APLF: variants seen among roughly 807,000 people sequenced by gnomAD.
APLF encodes the protein aprataxin and PNK-like factor.
In APLF, 61 loss-of-function variants were observed where a neutral mutation model predicts 55.6. The observed-to-expected ratio is 1.10, with a 90% CI of 0.89 to 1.36. The LOEUF (loss-of-function observed/expected upper bound fraction) is 1.36. Ranked by LOEUF, APLF falls within the 40% of genes most tolerant of loss-of-function variation. APLF has a pLI of 0.00. For synonymous variants in APLF, 207 were observed against 214.8 expected (o/e 0.96, Z 0.32); for missense variants, 611 against 602.5 (o/e 1.01, Z -0.15).
chr2:68,506,539 T>C (rs1676876903), intron 3 of APLF, among the ~76,000 whole-genome samples: 2 of 152,060 alleles, frequency 1.3e-5, no homozygotes, highest in African/African-American at 4.8e-5. Flanking sequence ...TATGAACTTT[T>C]TATTCTCCAT....
chr2:68,552,570 T>C (rs1326419074), intron 8 of APLF, among the ~76,000 whole-genome samples: 1 of 151,928 alleles, frequency 6.6e-6, no homozygotes, highest in East Asian at 1.9e-4. Context: ...CCTATCAGGC[T>C]TTTTTTTCCT....
At chr2:68,526,271 G>GT (rs774190469) in intron 6 of APLF, 29 bp downstream of exon 6, 2 of 1,584,704 alleles carry the variant, frequency 1.3e-6, no homozygotes, top group Non-Finnish European at 1.7e-6. Flanking sequence ...TTATTTGATT[G>GT]TTTTTTTGTT....
At chr2:68,521,679 A>G (rs987139614) in intron 5 of APLF, among the ~76,000 whole-genome samples, 1 of 151,804 alleles carries the variant, frequency 6.6e-6, no homozygotes, top group Non-Finnish European at 1.5e-5. Flanking sequence ...GAGCTTTTAT[A>G]TTTCCACTGG....
intron 1 of APLF, among the ~76,000 whole-genome samples, chr2:68,478,150 A>G (rs565812646): frequency 6.6e-6 from 1 of 152,154 alleles, no homozygotes; most frequent in Non-Finnish European, 1.5e-5. Flanking sequence ...CAAAAAGCAG[A>G]GAAAAATAAT....
At chr2:68,555,559 A>G (rs1002595224) in intron 8 of APLF, among the ~76,000 whole-genome samples, 3 of 152,228 alleles carry the variant, frequency 2.0e-5, no homozygotes, top group African/African-American at 7.2e-5. Flanking sequence ...ATATGAAAAA[A>G]TGCTCAATAT....
At chr2:68,509,082 A>C (rs1413386903) in intron 3 of APLF, among the ~76,000 whole-genome samples, 2 of 152,158 alleles carry the variant, frequency 1.3e-5, no homozygotes, top group Admixed American at 6.6e-5. Context: ...GAGATGGATT[A>C]AAGACTTAAA....
chr2:68,504,348 C>CA (rs1330129062), intron 3 of APLF, among the ~76,000 whole-genome samples: 1 of 151,702 alleles, frequency 6.6e-6, no homozygotes, highest in African/African-American at 2.4e-5. Context: ...CAAGATTTTA[C>CA]AAAAAACCCT....
chr2:68,579,036 G>A lies in APLF; in HGVS notation c.*1014G>A, dbSNP rs867737653. 6.0e-5 allele frequency: 59 copies of A among 984,906 alleles called. No individual in the cohort carries two copies. In the Middle Eastern group the frequency reaches 4.7e-3, roughly 78 times the overall value. 61.0% of individuals were successfully genotyped at this position (984,906 alleles called of 1,614,324 possible). A position where few individuals can be genotyped will look rare whatever the true frequency, so the allele number is the denominator to read the frequency against. On this transcript the variant is annotated 3_prime_UTR_variant, in exon 10 of 10. Transcript: ENST00000303795. ...GTTTAGAATCTTTAATAACAGTTGGGTTGTGTACACAGAGCAGGAGATATT... is the reference window on the plus strand; with the variant it reads ...GTTTAGAATCTTTAATAACAGTTGGATTGTGTACACAGAGCAGGAGATATT...
intron 6 of APLF, among the ~76,000 whole-genome samples, chr2:68,530,206 T>C (rs1670213232): frequency 2.0e-5 from 3 of 152,276 alleles, no homozygotes; most frequent in Non-Finnish European, 4.4e-5. Flanking sequence ...CTCTGGCCTG[T>C]GTGCCTCATG....
At chr2:68,569,148 AT>A (rs1671386220) in intron 9 of APLF, among the ~76,000 whole-genome samples, 1 of 152,110 alleles carries the variant, frequency 6.6e-6, no homozygotes, top group African/African-American at 2.4e-5. Flanking sequence ...ACATTCACAT[AT>A]TCCTTTGTTG....
At chr2:68,513,023 G>T in intron 3 of APLF, 57 bp from the exon 4 acceptor site, 1 of 1,491,724 alleles carries the variant, frequency 6.7e-7, no homozygotes, top group South Asian at 1.3e-5. Context: ...GTAGTTCTAA[G>T]GCAGCAGAAG....
intron 2 of APLF, among the ~76,000 whole-genome samples, chr2:68,499,380 G>T (rs1462203628): frequency 1.3e-5 from 2 of 152,198 alleles, no homozygotes; most frequent in Admixed American, 6.5e-5. Context: ...CATTGAAGCA[G>T]TTGGGAGTCC....
rs1671609917 is a variant in APLF, at chr2:68,575,997, A to G, written c.1334-1823A>G. On this transcript the variant is annotated intron_variant, in intron 9 of 9. Coordinates refer to ENST00000303795, the MANE Select transcript of APLF (RefSeq NM_173545.3). ...CCAGCTCTAAAATTTAGAGATTAGG[A>G]TGATGAGGAAAATCCAGCAAAGAAA... 2.0e-5 allele frequency among the ~76,000 whole-genome samples: 3 copies of G among 152,180 alleles called. No individual in the cohort carries two copies. The South Asian group carries it at 6.2e-4, about 32-fold the overall frequency.
intron 8 of APLF, among the ~76,000 whole-genome samples, chr2:68,561,634 C>T (rs538445075): frequency 1.1e-4 from 16 of 152,106 alleles, no homozygotes; most frequent in African/African-American, 3.9e-4. Flanking sequence ...TTGTTAATGG[C>T]AGGAAATTCT....
At chr2:68,532,378 A>G (rs1336649396) in intron 6 of APLF, among the ~76,000 whole-genome samples, 1 of 152,230 alleles carries the variant, frequency 6.6e-6, no homozygotes, top group African/African-American at 2.4e-5. Flanking sequence ...ATGCCCAACT[A>G]GACCTTGTTT....
At chr2:68,525,007 CT>C (rs1318200307) in intron 5 of APLF, among the ~76,000 whole-genome samples, 2 of 152,180 alleles carry the variant, frequency 1.3e-5, no homozygotes, top group Non-Finnish European at 2.9e-5. Context: ...AGAAGTCACT[CT>C]CCTGTTTGGG....
chr2:68,496,338 C>G (rs1213307410), intron 2 of APLF, among the ~76,000 whole-genome samples: 1 of 152,162 alleles, frequency 6.6e-6, no homozygotes. Context: ...CTCCTGACCT[C>G]AGGTGATTCA....
intron 9 of APLF, among the ~76,000 whole-genome samples, chr2:68,574,129 T>C (rs1330555810): frequency 6.6e-6 from 1 of 151,664 alleles, no homozygotes; most frequent in African/African-American, 2.4e-5. Flanking sequence ...CTTGGGAATA[T>C]TGTAATGAGA....
At chr2:68,497,256 A>T (rs1374724818) in intron 2 of APLF, among the ~76,000 whole-genome samples, 1 of 152,090 alleles carries the variant, frequency 6.6e-6, no homozygotes, top group African/African-American at 2.4e-5. Context: ...GCGAGAGAGA[A>T]TGGGAGGGTG....
Sources: gnomAD v4.1 joint callset for allele counts (sites outside exome capture counted in the v4.1 genomes callset) on GRCh38, gnomAD v4.1.1 for gene constraint, MANE v1.5 for transcripts, NCBI Gene and HGNC (gene_info 2026-07-23, HGNC 2026-07-21) for gene names.